DOCK9: variants seen among roughly 807,000 people sequenced by gnomAD.
The protein encoded by DOCK9 is dedicator of cytokinesis protein 9.
A neutral mutation model predicts 263.3 loss-of-function variants in DOCK9; 89 were observed. The ratio of observed to expected loss-of-function variants is 0.34; its 90% CI spans 0.28 to 0.40. The LOEUF is 0.40. Ranked by LOEUF, DOCK9 falls within the 10% of genes least tolerant of loss-of-function variation. The pLI is 1.00. For missense variants in DOCK9, 2,140 were observed against 2,603.4 expected, an observed-to-expected ratio of 0.82 and a Z score of 3.87; for synonymous variants, 976 against 973.1, an observed-to-expected ratio of 1.00 and a Z score of -0.06.
At chr13:98,915,288 A>C in intron 8 of DOCK9, 41 bp downstream of exon 8, 6 of 1,592,928 alleles carry the variant, frequency 3.8e-6, no homozygotes, top group African/African-American at 1.3e-5. Flanking sequence ...AAAGACACCC[A>C]CAGAGTGTGT....
intron 2 of DOCK9, chr13:98,949,855 G>A: frequency 2.1e-6 from 1 of 482,556 alleles, no homozygotes; most frequent in South Asian, 1.6e-5. Flanking sequence ...GAGATCTCCT[G>A]GAAATACTTC....
In DOCK9 at chr13:98,890,306, C is replaced by CA. The variant is rs59711060; in HGVS notation, c.1710-1596dup. ...TCCAGACTGACACTAGCTCATTCAT[C>CA]ACCCTCCCTAGCATCTGGTTTTTCC... On this transcript the variant is annotated intron_variant, in intron 15 of 52. Coordinates refer to ENST00000682017, the MANE Select transcript of DOCK9 (RefSeq NM_001366683.2). Among the ~76,000 whole-genome samples, 1,154 of 152,254 alleles carry CA rather than the reference C, an allele frequency of 7.6e-3. 15 individuals are homozygous for CA. Among genetic ancestry groups the CA allele is most frequent in the African/African-American group, 0.027 (1,119 of 41,534 alleles).
At chr13:99,016,009 A>C in intron 1 of DOCK9, 1 of 160,506 alleles carries the variant, frequency 6.2e-6, no homozygotes. Context: ...CCTGCCCAAA[A>C]TGAAAAAGAC....
At position 98,888,689 on chromosome 13, in the gene DOCK9, G is replaced by A. The variant is rs1348933985; in HGVS notation, c.1732C>T (p.Pro578Ser). 1 of 1,613,580 alleles carries A rather than the reference G, an allele frequency of 6.2e-7. No individual in the cohort carries two copies. The highest frequency in any genetic ancestry group is 8.5e-7 in the Non-Finnish European group (1 of 1,179,816). ...ATGTCTAGATTGCCTAAAATCACTG[G>A]GAGCTTAGCCATCTTCTCAGGTCTG... ...FRKPEKMAKL[P>S]VILGNLDITI... Residue 578 changes from proline (P) to serine (S), a missense_variant, in exon 16 of 53, where the codon CCA becomes TCA. This residue lies in a region of DOCK9 where 1,521 missense variants were observed against 1,741.7 expected (regional missense o/e 0.87). Transcript: ENST00000682017.
chr13:98,915,252 CCTT>C lies in DOCK9; in HGVS notation c.892+74_892+76del. 2.8e-6 allele frequency: 4 copies of C among 1,449,850 alleles called. No homozygotes were observed. The South Asian group carries it at 5.3e-5, about 19-fold the overall frequency. 89.8% of individuals were successfully genotyped at this position (1,449,850 alleles called of 1,614,324 possible). A position where few individuals can be genotyped will look rare whatever the true frequency, so the allele number is the denominator to read the frequency against. ...TCATGTACTTGTGTAACACAGGTCT[CCTT>C]CTTATACCCACCTGGCAAAAATAAA... On this transcript the variant is annotated intron_variant, in intron 8 of 52. Coordinates refer to ENST00000682017, the MANE Select transcript of DOCK9 (RefSeq NM_001366683.2).
chr13:98,987,477 C>T (rs573155915), intron 1 of DOCK9, among the ~76,000 whole-genome samples: 1 of 152,176 alleles, frequency 6.6e-6, no homozygotes, highest in African/African-American at 2.4e-5. Flanking sequence ...AGGTCTTAAG[C>T]CCTTCTGTCG....
At chr13:99,028,582 T>C (rs539821054) in intron 1 of DOCK9, among the ~76,000 whole-genome samples, 26 of 152,292 alleles carry the variant, frequency 1.7e-4, no homozygotes, top group Non-Finnish European at 2.8e-4. Flanking sequence ...GAGAACAAAT[T>C]TCTTCTCCTT....
At chr13:98,930,368 C>T in intron 2 of DOCK9, 111 bp from the exon 3 acceptor site, 3 of 840,712 alleles carry the variant, frequency 3.6e-6, no homozygotes, top group Non-Finnish European at 5.9e-6. Flanking sequence ...AGAGTCCCTC[C>T]AGTTTCTCCC....
chr13:99,007,252 G>C (rs563001748), intron 1 of DOCK9, among the ~76,000 whole-genome samples: 1 of 152,126 alleles, frequency 6.6e-6, no homozygotes, highest in South Asian at 2.1e-4. Flanking sequence ...GCTGGGTGTG[G>C]TGGCACGTGC....
At chr13:98,887,955 A>G (rs1248707814) in intron 18 of DOCK9, among the ~76,000 whole-genome samples, 2 of 152,198 alleles carry the variant, frequency 1.3e-5, no homozygotes, top group East Asian at 3.9e-4. Context: ...AGAATAAAAA[A>G]CAGTCAATTA....
intron 1 of DOCK9, among the ~76,000 whole-genome samples, chr13:99,008,232 A>ATTTTTTT (rs1403824024): frequency 1.2e-4 from 12 of 103,394 alleles, no homozygotes; most frequent in South Asian, 3.3e-4. Context: ...ATATATATAT[A>ATTTTTTT]TATTTTTTTT....
chr13:98,983,460 GGAGA>G (rs1877703974), intron 1 of DOCK9, among the ~76,000 whole-genome samples: 1 of 152,126 alleles, frequency 6.6e-6, no homozygotes, highest in South Asian at 2.1e-4. Flanking sequence ...CAGCGAGGGA[GGAGA>G]GAAAGCTACA....
intron 32 of DOCK9, among the ~76,000 whole-genome samples, chr13:98,860,828 A>G (rs370069712): frequency 5.3e-5 from 8 of 152,164 alleles, no homozygotes; most frequent in Non-Finnish European, 1.0e-4. Context: ...CGGACGCCCA[A>G]CATTTCCTTA....
At chr13:98,955,383 CTTG>C in intron 2 of DOCK9, 49 bp downstream of exon 2, 1 of 1,223,276 alleles carries the variant, frequency 8.2e-7, no homozygotes, top group African/African-American at 1.5e-5. Flanking sequence ...AAAAATACTG[CTTG>C]TTAAGATCAA....
chr13:98,925,380 T>A (rs1252490035), intron 4 of DOCK9, among the ~76,000 whole-genome samples: 100 of 150,998 alleles, frequency 6.6e-4, no homozygotes, highest in South Asian at 1.9e-3. Flanking sequence ...TTAAAGGAGA[T>A]AAAAAAAAAA....
Position 98,855,939 on chromosome 13 carries a change from G to A in DOCK9, c.3790C>T (p.Leu1264Phe), listed in dbSNP as rs546211715. The change falls in exon 34 of 53, where the codon CTT (leucine) becomes TTT (phenylalanine). Residue 1264 changes from leucine to phenylalanine, a missense_variant. By Grantham distance (22) the Leu-to-Phe change is conservative. Transcript: ENST00000682017. Reference sequence around the variant, plus strand: ...CTCTTCTCACTATTCCTTTCTGGAAGGCTGTTACCCGAATCTGTGCTTATG... The same window carrying A: ...CTCTTCTCACTATTCCTTTCTGGAAAGCTGTTACCCGAATCTGTGCTTATG... Reference protein sequence around the residue: ...SLISTDSGNSLPERNSEKSNS... With the variant: ...SLISTDSGNSFPERNSEKSNS... 100 of 1,613,978 alleles carry A rather than the reference G, an allele frequency of 6.2e-5. No individual in the cohort carries two copies. Among genetic ancestry groups the A allele is most frequent in the Non-Finnish European group, 8.4e-5 (99 of 1,179,886 alleles).
chr13:98,912,006 A>C (rs1456015963), intron 9 of DOCK9, among the ~76,000 whole-genome samples: 1 of 151,226 alleles, frequency 6.6e-6, no homozygotes, highest in Non-Finnish European at 1.5e-5. Flanking sequence ...AGTAGCTGGG[A>C]TTACAGGCAC....
chr13:98,955,092 T>C (rs1199272520), intron 2 of DOCK9, among the ~76,000 whole-genome samples: 4 of 152,154 alleles, frequency 2.6e-5, no homozygotes, highest in East Asian at 1.9e-4. Flanking sequence ...CCAAGGCAGA[T>C]AGATCACTTA....
rs2139490909 is a variant in DOCK9 at position 98,902,926 on chromosome 13, TCTGC to T, written c.1176+42_1176+45del. 2.2e-6 allele frequency: 3 copies of T among 1,394,468 alleles called. No individual in the cohort carries two copies. The Admixed American group carries it at 1.0e-4, about 47-fold the overall frequency. 86.4% of individuals were successfully genotyped at this position (1,394,468 alleles called of 1,614,324 possible). ...GCACTGTAAAGGTACATCTGAAACC[TCTGC>T]CTATTTTTTTTTTAATGTTTATTTT... On this transcript the variant is annotated intron_variant, in intron 11 of 52. Transcript: ENST00000682017.
Sources: allele counts gnomAD v4.1 joint callset (sites outside exome capture counted in the v4.1 genomes callset), GRCh38; gene constraint gnomAD v4.1.1; regional missense constraint gnomAD v4.1.1; transcripts MANE v1.5; gene names NCBI Gene and HGNC (gene_info 2026-07-23, HGNC 2026-07-21).